RBM38: variants seen among roughly 807,000 people sequenced by gnomAD.
RBM38 encodes RNA binding motif protein 38.
RBM38 carries 11 observed loss-of-function variants against 23.5 expected under a neutral mutation model. That is an observed-to-expected ratio of 0.47 (90% CI 0.29 to 0.77). The LOEUF (loss-of-function observed/expected upper bound fraction) is 0.77. RBM38 is among the 30% of genes least tolerant of loss of function. The pLI, the probability that RBM38 is intolerant of heterozygous loss-of-function variation, is 0.08. For missense variants in RBM38, 330 were observed against 351.9 expected, an observed-to-expected ratio of 0.94 and a Z score of 0.50; for synonymous variants, 165 against 166.1, an observed-to-expected ratio of 0.99 and a Z score of 0.05.
In RBM38 at chr20:57,391,732, A is replaced by C. The variant is rs764429794; in HGVS notation, c.151A>C (p.Arg51=). ...LPYHTTDASL[R]KYFEGFGDIE... ...GTACCACACTACCGACGCCTCGCTC[A>C]GGAAGTACTTCGAGGGCTTCGGCGA... is the stretch of plus-strand genomic sequence containing the variant. Residue 51 remains arginine (R), a synonymous_variant, in exon 1 of 4, where the codon AGG becomes CGG. Transcript: ENST00000356208. 1 of 1,562,136 alleles carries C rather than the reference A, an allele frequency of 6.4e-7. No individual in the cohort carries two copies. The highest frequency in any genetic ancestry group is 8.7e-7 in the Non-Finnish European group (1 of 1,154,264).
intron 3 of RBM38, chr20:57,399,785 C>T (rs958553859): frequency 9.5e-6 from 4 of 422,368 alleles, no homozygotes; most frequent in Non-Finnish European, 1.9e-5. Context: ...GCCTGCCAGG[C>T]GCCTCGGGGA....
chr20:57,395,071 T>C (rs2067260622), intron 3 of RBM38, among the ~76,000 whole-genome samples: 1 of 152,224 alleles, frequency 6.6e-6, no homozygotes, highest in South Asian at 2.1e-4. Flanking sequence ...CATTAACTGC[T>C]TAAAACAGTG....
At chr20:57,395,414 A>G (rs1432786399) in intron 3 of RBM38, among the ~76,000 whole-genome samples, 2 of 152,082 alleles carry the variant, frequency 1.3e-5, no homozygotes, top group Non-Finnish European at 2.9e-5. Flanking sequence ...AGCAGTTGGG[A>G]TCGGTCACAG....
In RBM38 at chr20:57,407,448, G is replaced by A; in HGVS notation, c.417-95G>A. On this transcript the variant is annotated intron_variant, in intron 3 of 3. Coordinates refer to ENST00000356208, the MANE Select transcript of RBM38 (RefSeq NM_017495.6). The surrounding 1 kb of genome is among the most constrained non-coding windows in gnomAD (Gnocchi z 4.0). ...GACCGATGAGGAAAGTCGGGGCTCGGGGTGGGGGGCGGCACGCATCGTGTA... is the reference window on the plus strand; with the variant it reads ...GACCGATGAGGAAAGTCGGGGCTCGAGGTGGGGGGCGGCACGCATCGTGTA... 1 of 1,380,934 alleles carries A rather than the reference G, an allele frequency of 7.2e-7. No individual in the cohort carries two copies. The highest frequency in any genetic ancestry group is 1.4e-5 in the African/African-American group (1 of 69,144). The allele number at this position is 1,380,934 out of a possible 1,614,324, so 85.5% of individuals were successfully genotyped here. A position where few individuals can be genotyped will look rare whatever the true frequency, so the allele number is the denominator to read the frequency against.
rs1252432992 is a variant in RBM38, at chr20:57,391,439, G to GGCGCAGCGCGGCGCAGCTCGGCGCAGC, written c.-143_-142insGCGCAGCGCGGCGCAGCTCGGCGCAGC. 2 of 150,340 alleles carry GGCGCAGCGCGGCGCAGCTCGGCGCAGC rather than the reference G, an allele frequency of 1.3e-5. No individual in the cohort carries two copies. Among genetic ancestry groups the GGCGCAGCGCGGCGCAGCTCGGCGCAGC allele is most frequent in the African/African-American group, 4.9e-5 (2 of 41,008 alleles). The allele number at this position is 150,340 out of a possible 1,614,324, so 9.3% of individuals were successfully genotyped here. A position where few individuals can be genotyped will look rare whatever the true frequency, so the allele number is the denominator to read the frequency against. On this transcript the variant is annotated 5_prime_UTR_variant, in exon 1 of 4. Coordinates refer to ENST00000356208, the MANE Select transcript of RBM38 (RefSeq NM_017495.6). ...CGGTCGGGAGCGCAGCGCGGCGCAC[G>GGCGCAGCGCGGCGCAGCTCGGCGCAGC]TCGGCGCGCACGGCGGGACGGGCGC...
Position 57,407,826 on chromosome 20 carries a change from C to T in RBM38, c.700C>T (p.Gln234Ter). Residue 234 changes from glutamine to a stop codon, truncating the protein, a stop_gained, in exon 4 of 4, where the codon CAG (glutamine) becomes TAG (stop). Coordinates refer to ENST00000356208, the MANE Select transcript of RBM38 (RefSeq NM_017495.6). LOFTEE classifies it high-confidence loss of function. The surrounding 1 kb of genome is among the most constrained non-coding windows in gnomAD (Gnocchi z 4.0). ...TFVQYQAPQL[Q>*]PDRMQ The stretch of plus-strand genomic sequence containing the variant: ...CGTGCAGTACCAGGCGCCGCAGCTG[C>T]AGCCTGACAGGATGCAGTGAGGGGC... 1.3e-6 allele frequency: 2 copies of T among 1,574,892 alleles called. No homozygotes were observed. The highest frequency in any genetic ancestry group is 8.6e-7 in the Non-Finnish European group (1 of 1,163,934).
In RBM38 at chr20:57,407,319, A is replaced by G. The variant is rs923951195; in HGVS notation, c.417-224A>G. ...GCAGTCTGGGAAGGCCTTGCTGAGA[A>G]GGAGACATGGAGTGGAGGAGGGAGC... On this transcript the variant is annotated intron_variant, in intron 3 of 3. Transcript: ENST00000356208. This position sits in a 1 kb window ranked among gnomAD's most constrained non-coding sequence, Gnocchi z 4.0. Among the ~76,000 whole-genome samples the G allele has an allele frequency of 1.3e-5, 2 of 152,112 alleles. No homozygotes were observed. The highest frequency in any genetic ancestry group is 2.9e-5 in the Non-Finnish European group (2 of 67,994).
intron 1 of RBM38, chr20:57,392,225 C>A (rs2067226951): frequency 2.9e-6 from 1 of 347,660 alleles, no homozygotes; most frequent in Non-Finnish European, 5.6e-6. Flanking sequence ...TCTCAGCCGC[C>A]CCAAATAAAC....
In RBM38 at chr20:57,409,282, T is replaced by G. The variant is rs1044844990; in HGVS notation, c.*1436T>G. 1 of 152,488 alleles carries G rather than the reference T, an allele frequency of 6.6e-6. No individual in the cohort carries two copies. The highest frequency in any genetic ancestry group is 2.4e-5 in the African/African-American group (1 of 41,448). 9.4% of individuals were successfully genotyped at this position (152,488 alleles called of 1,614,324 possible). A position where few individuals can be genotyped will look rare whatever the true frequency, so the allele number is the denominator to read the frequency against. On this transcript the variant is annotated 3_prime_UTR_variant, in exon 4 of 4. Transcript: ENST00000356208. The stretch of plus-strand genomic sequence containing the variant: ...GGTAGCTAATCTCATCATAATATTT[T>G]TATTAGAATGTTCTGATGATAAAAA...
chr20:57,405,241 A>G (rs1881135862), intron 3 of RBM38, among the ~76,000 whole-genome samples: 1 of 152,176 alleles, frequency 6.6e-6, no homozygotes, highest in African/African-American at 2.4e-5. Flanking sequence ...TGCCTCTCCC[A>G]TCCTAGAAGC....
intron 1 of RBM38, chr20:57,392,292 C>G: frequency 1.7e-6 from 1 of 597,110 alleles, no homozygotes; most frequent in Non-Finnish European, 2.8e-6. Flanking sequence ...CCAAGCATAG[C>G]GTCGCAAACT....
At chr20:57,406,856 T>C (rs1228996643) in intron 3 of RBM38, among the ~76,000 whole-genome samples, 1 of 152,064 alleles carries the variant, frequency 6.6e-6, no homozygotes, top group Non-Finnish European at 1.5e-5. Context: ...TAGCCGAGCG[T>C]GGTGGCGGGC....
chr20:57,392,897 C>G (rs2067235680), intron 2 of RBM38, 120 bp downstream of exon 2: 6 of 1,377,114 alleles, frequency 4.4e-6, no homozygotes, highest in Non-Finnish European at 6.0e-6. Context: ...TATCATGTGC[C>G]TGCAGAGCCG....
Position 57,407,418 on chromosome 20 carries a change from C to T in RBM38, c.417-125C>T. 1 of 1,111,788 alleles carries T rather than the reference C, an allele frequency of 9.0e-7. No homozygotes were observed. The highest frequency in any genetic ancestry group is 1.5e-5 in the South Asian group (1 of 66,326). The allele number at this position is 1,111,788 out of a possible 1,614,324, so 68.9% of individuals were successfully genotyped here. On this transcript the variant is annotated intron_variant, in intron 3 of 3. Transcript: ENST00000356208. The surrounding 1 kb of genome is among the most constrained non-coding windows in gnomAD (Gnocchi z 4.0). ...TCTGGCCAGGTGCTGTTTCTGTGCC[C>T]ATCTGACCGATGAGGAAAGTCGGGG...
chr20:57,393,675 G>A (rs1339200699), intron 3 of RBM38, among the ~76,000 whole-genome samples: 1 of 152,188 alleles, frequency 6.6e-6, no homozygotes, highest in East Asian at 1.9e-4. Flanking sequence ...TGCAGGTAAC[G>A]CCCTCTTGAA....
At chr20:57,399,659 G>A (rs142162841) in intron 3 of RBM38, among the ~76,000 whole-genome samples, 2 of 152,182 alleles carry the variant, frequency 1.3e-5, no homozygotes, top group African/African-American at 2.4e-5. Context: ...GAGGGCGTTC[G>A]ACCTGTGTCC....
chr20:57,407,721 G>A lies in RBM38; in HGVS notation c.595G>A (p.Ala199Thr). The change falls in exon 4 of 4, where the codon GCT (alanine) becomes ACT (threonine). Residue 199 changes from alanine (A) to threonine (T), a missense_variant. By Grantham distance (58) the Ala-to-Thr change is moderately conservative. Coordinates refer to ENST00000356208, the MANE Select transcript of RBM38 (RefSeq NM_017495.6). This position sits in a 1 kb window ranked among gnomAD's most constrained non-coding sequence, Gnocchi z 4.0. Reference sequence around the variant, plus strand: ...CCCATACGCCGCCTCGCCTGCCACGGCTGCCAGCTTCGTGGGCTACAGCTA... The same window carrying A: ...CCCATACGCCGCCTCGCCTGCCACGACTGCCAGCTTCGTGGGCTACAGCTA... ...QYPYAASPAT[A>T]ASFVGYSYPA... 1 of 1,611,976 alleles carries A rather than the reference G, an allele frequency of 6.2e-7. No individual in the cohort carries two copies. Among genetic ancestry groups the A allele is most frequent in the Middle Eastern group, 1.7e-4 (1 of 6,060 alleles).
At position 57,399,653 on chromosome 20, in the gene RBM38, G is replaced by A. The variant is rs571623817; in HGVS notation, c.416+6320G>A. On this transcript the variant is annotated intron_variant, in intron 3 of 3. Coordinates refer to ENST00000356208, the MANE Select transcript of RBM38 (RefSeq NM_017495.6). The stretch of plus-strand genomic sequence containing the variant: ...GGCCTGGCATTGCCCCACAGAGAGG[G>A]CGTTCGACCTGTGTCCTGTGGCTGG... 1.1e-4 allele frequency among the ~76,000 whole-genome samples: 17 copies of A among 152,312 alleles called. No homozygotes were observed. The East Asian group carries it at 2.5e-3, about 23-fold the overall frequency.
chr20:57,394,365 G>A (rs1250893280), intron 3 of RBM38, among the ~76,000 whole-genome samples: 1 of 137,408 alleles, frequency 7.3e-6, no homozygotes, highest in African/African-American at 2.6e-5. Flanking sequence ...AGGTGAATGG[G>A]TCAGAGGCCC....
Sources: gnomAD v4.1 joint callset for allele counts (sites outside exome capture counted in the v4.1 genomes callset) on GRCh38, gnomAD v4.1.1 for gene constraint, Gnocchi (gnomAD v3.1) non-coding constraint, MANE v1.5 for transcripts, NCBI Gene and HGNC (gene_info 2026-07-23, HGNC 2026-07-21) for gene names.